Variants in UNC13C observed in about 807,000 individuals in gnomAD.
UNC13C encodes protein unc-13 homolog C.
Under a neutral mutation model 245.4 loss-of-function variants are expected in UNC13C, and 174 were observed. The ratio of observed to expected loss-of-function variants is 0.71; its 90% CI spans 0.63 to 0.80. The LOEUF is 0.80. UNC13C is among the 30% of genes least tolerant of loss of function. The pLI is 0.00. For missense variants in UNC13C, 2,829 were observed against 2,602.9 expected, an observed-to-expected ratio of 1.09 and a Z score of -1.89; for synonymous variants, 992 against 895.1, an observed-to-expected ratio of 1.11 and a Z score of -1.93.
At position 54,169,629 on chromosome 15, in the gene UNC13C, C is replaced by G. The variant is rs1455735700; in HGVS notation, c.3071+25945C>G. On this transcript the variant is annotated intron_variant, in intron 4 of 32. Transcript: ENST00000260323. ...CTCTTTCCTTCCTTTGCTGCACTGCCCACCATTCTGACCTGTTTTCTTTCC... is the reference window on the plus strand; with the variant it reads ...CTCTTTCCTTCCTTTGCTGCACTGCGCACCATTCTGACCTGTTTTCTTTCC... 2.0e-5 allele frequency among the ~76,000 whole-genome samples: 3 copies of G among 152,278 alleles called. No individual in the cohort carries two copies. In the South Asian group the frequency reaches 6.2e-4, roughly 32 times the overall value.
At chr15:54,352,590 A>G (rs2039009254) in intron 17 of UNC13C, among the ~76,000 whole-genome samples, 1 of 151,950 alleles carries the variant, frequency 6.6e-6, no homozygotes, top group South Asian at 2.1e-4. Context: ...TAAAACAAAA[A>G]TACAGCAATT....
rs541695213 is a variant in UNC13C at position 53,999,955 on chromosome 15, C to G, written c.-256-12693C>G. On this transcript the variant is annotated intron_variant, in intron 1 of 32. Coordinates refer to ENST00000260323, the MANE Select transcript of UNC13C (RefSeq NM_001080534.3). ...AAATATTTGAGGCTTATTTCAAGGA[C>G]CAGTATGTGTCTTGGTTAGTGAGCT... is the stretch of plus-strand genomic sequence containing the variant. Among the ~76,000 whole-genome samples the G allele has an allele frequency of 2.0e-5, 3 of 152,032 alleles. No homozygotes were observed. In the East Asian group the frequency reaches 5.8e-4, roughly 29 times the overall value.
In UNC13C at chr15:54,084,168, C is replaced by A. The variant is rs905043260; in HGVS notation, c.2984-58850C>A. On this transcript the variant is annotated intron_variant, in intron 2 of 32. Coordinates refer to ENST00000260323, the MANE Select transcript of UNC13C (RefSeq NM_001080534.3). ...CTTTCCTTTTCTGCACCCCAGCTGT[C>A]CTGGCTCTCTTCCCTCAGTTTTCTC... Among the ~76,000 whole-genome samples the A allele has an allele frequency of 3.9e-5, 6 of 152,332 alleles. No individual in the cohort carries two copies. In the East Asian group the frequency reaches 1.2e-3, roughly 29 times the overall value.
chr15:54,317,283 T>A (rs1022849719), intron 13 of UNC13C, among the ~76,000 whole-genome samples: 22 of 151,956 alleles, frequency 1.4e-4, no homozygotes, highest in African/African-American at 4.3e-4. Context: ...TGGTGAAGAT[T>A]GTATTAAACT....
chr15:53,841,544 T>A, the UNC13C span, among the ~76,000 whole-genome samples: 1 of 152,002 alleles, frequency 6.6e-6, no homozygotes, highest in Admixed American at 6.6e-5. Flanking sequence ...AAATAAGATA[T>A]TTTTGTTGAG....
the UNC13C span, among the ~76,000 whole-genome samples, chr15:53,928,647 T>C: frequency 4.6e-5 from 7 of 152,210 alleles, no homozygotes; most frequent in Non-Finnish European, 1.5e-5. Context: ...TATGTCTACT[T>C]TGAGCTTTGT....
At chr15:54,437,311 C>G (rs1389378663) in intron 19 of UNC13C, among the ~76,000 whole-genome samples, 1 of 151,932 alleles carries the variant, frequency 6.6e-6, no homozygotes, top group Non-Finnish European at 1.5e-5. Context: ...GCTTTACATA[C>G]ATATTCAATA....
intron 2 of UNC13C, among the ~76,000 whole-genome samples, chr15:54,107,518 G>A (rs1359845644): frequency 6.6e-6 from 1 of 152,102 alleles, no homozygotes; most frequent in Non-Finnish European, 1.5e-5. Context: ...CATTTTTCAA[G>A]GAGCTTGCAG....
chr15:54,475,408 T>C (rs1490842985), intron 19 of UNC13C, among the ~76,000 whole-genome samples: 2 of 151,584 alleles, frequency 1.3e-5, no homozygotes, highest in African/African-American at 2.4e-5. Flanking sequence ...CTGCACCCAT[T>C]AACTCGTCAT....
intron 24 of UNC13C, among the ~76,000 whole-genome samples, chr15:54,516,307 A>G (rs1894971637): frequency 6.6e-6 from 1 of 152,204 alleles, no homozygotes; most frequent in Non-Finnish European, 1.5e-5. Context: ...CCATGCCAGT[A>G]GTTCTTCTTG....
rs570564962 is a variant in UNC13C at position 54,185,212 on chromosome 15, C to T, written c.3071+41528C>T. On this transcript the variant is annotated intron_variant, in intron 4 of 32. Transcript: ENST00000260323. Reference sequence around the variant, plus strand: ...AGGTTGCAAAAATTTTTCTCCCATTCTGTAGGTTGCCTGTTCACTCTGATG... The same window carrying T: ...AGGTTGCAAAAATTTTTCTCCCATTTTGTAGGTTGCCTGTTCACTCTGATG... Among the ~76,000 whole-genome samples, 27 of 151,894 alleles carry T rather than the reference C, an allele frequency of 1.8e-4. No homozygotes were observed. The South Asian group carries it at 4.8e-3, about 27-fold the overall frequency.
intron 19 of UNC13C, among the ~76,000 whole-genome samples, chr15:54,482,462 CG>C (rs1290756605): frequency 2.0e-5 from 3 of 152,122 alleles, no homozygotes; most frequent in Non-Finnish European, 4.4e-5. Context: ...AATGTAGGAG[CG>C]GGCGGTGGGA....
At chr15:54,624,011 C>A in intron 32 of UNC13C, 57 bp downstream of exon 32, 2 of 1,598,608 alleles carry the variant, frequency 1.3e-6, no homozygotes, top group Non-Finnish European at 8.5e-7. Flanking sequence ...GTACAGCTGA[C>A]CTTACTGAGG....
At chr15:54,544,761 A>G (rs999658995) in intron 26 of UNC13C, among the ~76,000 whole-genome samples, 27 of 152,226 alleles carry the variant, frequency 1.8e-4, no homozygotes, top group South Asian at 4.1e-4. Context: ...GACCTCTCCA[A>G]GGAGAACTAC....
In UNC13C at chr15:54,393,123, A is replaced by G; in HGVS notation, c.4789A>G (p.Thr1597Ala). The G allele has an allele frequency of 6.2e-7, 1 of 1,611,294 alleles. No homozygotes were observed. The highest frequency in any genetic ancestry group is 8.5e-7 in the Non-Finnish European group (1 of 1,178,554). The change falls in exon 18 of 33, where the codon ACA becomes GCA. Residue 1597 changes from threonine to alanine, a missense_variant. Thr to Ala is a moderately conservative substitution (Grantham distance 58). Transcript: ENST00000260323. ...KNLDFWPQLI[T>A]LMVTIIDEDK... ...TTTGGATTTTTGGCCCCAACTTATTACACTGATGGTTACTATTATTGATGA... is the reference window on the plus strand; with the variant it reads ...TTTGGATTTTTGGCCCCAACTTATTGCACTGATGGTTACTATTATTGATGA...
chr15:53,895,644 A>C, the UNC13C span, among the ~76,000 whole-genome samples: 1 of 152,326 alleles, frequency 6.6e-6, no homozygotes, highest in Admixed American at 6.5e-5. Context: ...CTGTGAGATT[A>C]GAATGTGTGC....
chr15:54,070,004 G>T (rs988311389), intron 2 of UNC13C, among the ~76,000 whole-genome samples: 1 of 152,164 alleles, frequency 6.6e-6, no homozygotes, highest in Non-Finnish European at 1.5e-5. Flanking sequence ...GTTTTATAAT[G>T]ATCCTTAGAC....
chr15:54,323,222 G>T (rs995455252), intron 14 of UNC13C, among the ~76,000 whole-genome samples: 6 of 151,990 alleles, frequency 3.9e-5, no homozygotes, highest in African/African-American at 7.2e-5. Flanking sequence ...TAGGGAAAAA[G>T]ATGTGCTCCT....
chr15:54,250,868 G>A (rs1274318658), intron 8 of UNC13C, among the ~76,000 whole-genome samples: 4 of 145,092 alleles, frequency 2.8e-5, no homozygotes, highest in African/African-American at 7.7e-5. Context: ...GCCATTCTCC[G>A]GCCTCAGCCT....
Sources: gnomAD v4.1 joint callset for allele counts (sites outside exome capture counted in the v4.1 genomes callset) on GRCh38, gnomAD v4.1.1 for gene constraint, MANE v1.5 for transcripts, NCBI Gene and HGNC (gene_info 2026-07-23, HGNC 2026-07-21) for gene names.